NRXN1: variants seen among roughly 807,000 people sequenced by gnomAD.
NRXN1 encodes neurexin-1.
A neutral mutation model predicts 150.9 loss-of-function variants in NRXN1; 39 were observed. The observed-to-expected ratio is 0.26, with a 90% CI of 0.20 to 0.34. The LOEUF is 0.34. NRXN1 is among the 10% of genes least tolerant of loss of function. The pLI, the probability that NRXN1 is intolerant of heterozygous loss-of-function variation, is 1.00. For missense variants in NRXN1, 1,815 were observed against 1,949.9 expected, an observed-to-expected ratio of 0.93 and a Z score of 1.30; for synonymous variants, 924 against 757.0, an observed-to-expected ratio of 1.22 and a Z score of -3.62.
At chr2:50,986,974 A>G (rs900822683) in intron 2 of NRXN1, among the ~76,000 whole-genome samples, 2 of 151,882 alleles carry the variant, frequency 1.3e-5, no homozygotes, top group African/African-American at 4.8e-5. Flanking sequence ...AGCAGTAGGA[A>G]TGGAGGACTC....
chr2:50,176,399 T>C (rs1040488308), intron 18 of NRXN1, among the ~76,000 whole-genome samples: 5 of 152,104 alleles, frequency 3.3e-5, no homozygotes, highest in African/African-American at 7.2e-5. Context: ...GGCTAGAAAA[T>C]TCTTTCTTGG....
chr2:50,162,664 T>G (rs999694385), intron 18 of NRXN1, among the ~76,000 whole-genome samples: 1 of 152,096 alleles, frequency 6.6e-6, no homozygotes, highest in Admixed American at 6.6e-5. Context: ...CAATGGAATA[T>G]AGACATTTTG....
chr2:50,678,207 C>T (rs1689820510), intron 5 of NRXN1, among the ~76,000 whole-genome samples: 1 of 152,058 alleles, frequency 6.6e-6, no homozygotes, highest in African/African-American at 2.4e-5. Context: ...TTTGGTAAGA[C>T]AGATTTGTGG....
chr2:50,813,012 A>G (rs1668441086), intron 5 of NRXN1, among the ~76,000 whole-genome samples: 1 of 152,050 alleles, frequency 6.6e-6, no homozygotes, highest in Non-Finnish European at 1.5e-5. Flanking sequence ...CAACACAGTG[A>G]GATCTCACCT....
At chr2:50,766,761 A>G (rs1226069114) in intron 5 of NRXN1, among the ~76,000 whole-genome samples, 2 of 152,006 alleles carry the variant, frequency 1.3e-5, no homozygotes, top group Non-Finnish European at 2.9e-5. Context: ...AGGGTCAATT[A>G]CCAGGACTAC....
At chr2:50,757,694 T>C (rs1239359693) in intron 5 of NRXN1, among the ~76,000 whole-genome samples, 1 of 151,762 alleles carries the variant, frequency 6.6e-6, no homozygotes, top group Non-Finnish European at 1.5e-5. Context: ...ATCACTAGAA[T>C]GGTGTACAAG....
At chr2:50,436,334 T>A (rs2085432958) in intron 17 of NRXN1, among the ~76,000 whole-genome samples, 1 of 152,002 alleles carries the variant, frequency 6.6e-6, no homozygotes, top group Non-Finnish European at 1.5e-5. Flanking sequence ...ATGCCTGTAA[T>A]CCCAGCTACT....
chr2:50,901,956 C>T (rs980188712), intron 5 of NRXN1, among the ~76,000 whole-genome samples: 23 of 152,282 alleles, frequency 1.5e-4, no homozygotes, highest in African/African-American at 5.5e-4. Flanking sequence ...ATATGCTGTC[C>T]TTCCATATTA....
chr2:49,922,194 C>A lies in NRXN1; in HGVS notation c.4274G>T (p.Arg1425Leu), dbSNP rs201559515. The change falls in exon 23 of 23, where the codon CGG (arginine) becomes CTG (leucine). Residue 1425 changes from arginine to leucine, a missense_variant. Coordinates refer to ENST00000401669, the MANE Select transcript of NRXN1 (RefSeq NM_001330078.2). ...EPYPGSAEVIRESSSTTGMVV... is the reference protein window; with the variant it reads ...EPYPGSAEVILESSSTTGMVV... The stretch of plus-strand genomic sequence containing the variant: ...CATACCCGTGGTGCTGCTGGACTCC[C>A]GGATCACTTCTGCTGAGCCTGGATA... 1 of 1,614,126 alleles carries A rather than the reference C, an allele frequency of 6.2e-7. No individual in the cohort carries two copies. The highest frequency in any genetic ancestry group is 1.7e-5 in the Admixed American group (1 of 60,016).
intron 5 of NRXN1, among the ~76,000 whole-genome samples, chr2:50,766,855 G>A (rs767548962): frequency 3.3e-5 from 5 of 152,022 alleles, no homozygotes; most frequent in Non-Finnish European, 5.9e-5. Flanking sequence ...TTAGTAATTA[G>A]TGAAAGTATT....
At chr2:50,955,751 A>T (rs1692181635) in intron 2 of NRXN1, among the ~76,000 whole-genome samples, 1 of 152,214 alleles carries the variant, frequency 6.6e-6, no homozygotes, top group Non-Finnish European at 1.5e-5. Flanking sequence ...GAACATATTT[A>T]GAGAAAATGC....
intron 5 of NRXN1, among the ~76,000 whole-genome samples, chr2:50,902,908 GAAC>G (rs1314342663): frequency 6.6e-6 from 1 of 152,094 alleles, no homozygotes; most frequent in African/African-American, 2.4e-5. Context: ...ACCTAAATCA[GAAC>G]TACTACTACT....
chr2:50,536,584 G>A (rs2093265898), intron 10 of NRXN1, among the ~76,000 whole-genome samples: 1 of 152,148 alleles, frequency 6.6e-6, no homozygotes, highest in Non-Finnish European at 1.5e-5. Flanking sequence ...TGTGACAGTT[G>A]AGTTATACCC....
chr2:50,522,923 G>C (rs548182842), intron 12 of NRXN1, among the ~76,000 whole-genome samples: 1 of 150,492 alleles, frequency 6.6e-6, no homozygotes, highest in Admixed American at 6.6e-5. Flanking sequence ...TAGTAGAGAC[G>C]GGGTTTCACC....
At chr2:50,158,259 C>T (rs1049093151) in intron 18 of NRXN1, among the ~76,000 whole-genome samples, 11 of 151,468 alleles carry the variant, frequency 7.3e-5, no homozygotes, top group African/African-American at 1.2e-4. Flanking sequence ...TTCATCAGAG[C>T]CCACAGGATG....
chr2:49,978,659 G>C (rs6756576), intron 21 of NRXN1, among the ~76,000 whole-genome samples: 8 of 151,014 alleles, frequency 5.3e-5, no homozygotes, highest in African/African-American at 1.9e-4. Context: ...AACAGCTGGG[G>C]GAGGGAGGGC....
intron 17 of NRXN1, among the ~76,000 whole-genome samples, chr2:50,295,403 T>A: frequency 6.6e-6 from 1 of 152,206 alleles, no homozygotes; most frequent in East Asian, 1.9e-4. Context: ...TTTTCTATTT[T>A]TCTTCTACTC....
chr2:50,899,454 C>T (rs950515168), intron 5 of NRXN1, among the ~76,000 whole-genome samples: 2 of 152,032 alleles, frequency 1.3e-5, no homozygotes, highest in Non-Finnish European at 2.9e-5. Flanking sequence ...ACATTAGAGG[C>T]CTTTTCATTT....
chr2:50,738,623 A>G (rs1040014882), intron 5 of NRXN1, among the ~76,000 whole-genome samples: 1 of 152,202 alleles, frequency 6.6e-6, no homozygotes, highest in Non-Finnish European at 1.5e-5. Flanking sequence ...GCTTTTCTGA[A>G]ATCTCCCACT....
Sources: allele counts gnomAD v4.1 joint callset (sites outside exome capture counted in the v4.1 genomes callset), GRCh38; gene constraint gnomAD v4.1.1; transcripts MANE v1.5; gene names NCBI Gene and HGNC (gene_info 2026-07-23, HGNC 2026-07-21).